The following DNAH17 variants were observed in gnomAD, a reference collection of about 807,000 sequenced individuals.
DNAH17 encodes axonemal beta dynein heavy chain 17.
Under a neutral mutation model 485.6 loss-of-function variants are expected in DNAH17, and 376 were observed. The observed-to-expected ratio is 0.77, with a 90% CI of 0.71 to 0.84. DNAH17 has a LOEUF of 0.84. Among genes scored for constraint, DNAH17 ranks in the 40% least tolerant of loss-of-function variants. The probability of loss-of-function intolerance (pLI) is 0.00; values close to 1 mark genes in which losing one functional copy is unlikely to be tolerated. For synonymous variants in DNAH17, 3,031 were observed against 2,405.9 expected (o/e 1.26, Z -7.60); for missense variants, 6,370 against 5,839.3 (o/e 1.09, Z -2.96).
Position 78,485,560 on chromosome 17 carries a change from G to A in DNAH17, c.7473C>T (p.Ala2491=), listed in dbSNP as rs775587511. ...CCGGACCAGCCTCACCCTGCAGCAT[G>A]GCTGAGGTCGTGTAGAAGTTGAAGG... ...AVPFNFYTTS[A]MLQGVLEKPL... The change falls in exon 47 of 81, where the codon GCC becomes GCT. Residue 2491 remains alanine, a synonymous_variant. Transcript: ENST00000389840. 3 of 1,610,050 alleles carry A rather than the reference G, an allele frequency of 1.9e-6. No individual in the cohort carries two copies. Among genetic ancestry groups the A allele is most frequent in the South Asian group, 2.2e-5 (2 of 90,246 alleles).
At chr17:78,487,283 C>T (rs1343909643) in intron 44 of DNAH17, among the ~76,000 whole-genome samples, 2 of 152,162 alleles carry the variant, frequency 1.3e-5, no homozygotes, top group African/African-American at 4.8e-5. Context: ...GGTGATGTTT[C>T]CATGACCCTC....
Position 78,572,411 on chromosome 17 carries a change from G to A in DNAH17, c.539+290C>T, listed in dbSNP as rs149564647. Reference sequence around the variant, plus strand: ...ACAGGTGGGACACCTTCTGCTTGCTGGGTGGTGACTGGATCGGCACACATG... The same window carrying A: ...ACAGGTGGGACACCTTCTGCTTGCTAGGTGGTGACTGGATCGGCACACATG... On this transcript the variant is annotated intron_variant, in intron 3 of 80. Coordinates refer to ENST00000389840, the MANE Select transcript of DNAH17 (RefSeq NM_173628.4). Among the ~76,000 whole-genome samples the A allele has an allele frequency of 2.0e-4, 31 of 152,258 alleles. No individual in the cohort carries two copies. The East Asian group carries it at 4.8e-3, about 24-fold the overall frequency.
chr17:78,429,232 C>T lies in DNAH17; in HGVS notation c.12294G>A (p.Trp4098Ter). 1 of 1,613,912 alleles carries T rather than the reference C, an allele frequency of 6.2e-7. No individual in the cohort carries two copies. Among genetic ancestry groups the T allele is most frequent in the Non-Finnish European group, 8.5e-7 (1 of 1,179,900 alleles). Residue 4098 changes from tryptophan to a stop codon, truncating the protein, a stop_gained, in exon 76 of 81, where the codon TGG (tryptophan) becomes TGA (stop). Transcript: ENST00000389840. LOFTEE classifies it high-confidence loss of function. ...IMYGGHITDD[W>*]DRRLCRTYLA... ...GGTAGGTCCTGCACAGCCGACGGTCCCAGTCATCTGTGATGTGGCCGCCAT... is the reference window on the plus strand; with the variant it reads ...GGTAGGTCCTGCACAGCCGACGGTCTCAGTCATCTGTGATGTGGCCGCCAT...
At chr17:78,531,613 C>T (rs925863805) in intron 20 of DNAH17, among the ~76,000 whole-genome samples, 1 of 152,202 alleles carries the variant, frequency 6.6e-6, no homozygotes, top group Admixed American at 6.5e-5. Context: ...GCTGGTATCA[C>T]AGGCGTGAGC....
At chr17:78,510,587 G>C (rs2090608114) in intron 26 of DNAH17, 81 bp from the exon 27 acceptor site, 9 of 1,570,808 alleles carry the variant, frequency 5.7e-6, no homozygotes, top group Non-Finnish European at 7.8e-6. Context: ...CCTTCATGGA[G>C]AGCCATTGCC....
chr17:78,486,439 C>T lies in DNAH17; in HGVS notation c.6886G>A (p.Asp2296Asn). Residue 2296 changes from aspartate to asparagine, a missense_variant, in exon 45 of 81, where the codon GAC becomes AAC. Transcript: ENST00000389840. Reference protein sequence around the residue: ...SEKANLMILFDKYLPTCLDKL... With the variant: ...SEKANLMILFNKYLPTCLDKL... ...TCCAGGCACGTGGGCAGGTACTTGT[C>T]AAAGAGGATCATCAGGTTGGCCTTC... 2 of 1,613,656 alleles carry T rather than the reference C, an allele frequency of 1.2e-6. No homozygotes were observed. Among genetic ancestry groups the T allele is most frequent in the Non-Finnish European group, 1.7e-6 (2 of 1,179,872 alleles).
intron 26 of DNAH17, among the ~76,000 whole-genome samples, chr17:78,514,001 T>C (rs956456284): frequency 3.3e-5 from 5 of 151,876 alleles, no homozygotes; most frequent in African/African-American, 1.2e-4. Context: ...CTTCTGGAGG[T>C]GTCAAGGCCA....
intron 47 of DNAH17, 44 bp downstream of exon 47, chr17:78,485,506 C>G (rs780236923): frequency 1.3e-6 from 2 of 1,521,750 alleles, no homozygotes; most frequent in Non-Finnish European, 1.8e-6. Flanking sequence ...CGGGGACTGG[C>G]GGGGGGCAGC....
At chr17:78,550,683 G>A (rs2091883039) in intron 16 of DNAH17, among the ~76,000 whole-genome samples, 1 of 152,196 alleles carries the variant, frequency 6.6e-6, no homozygotes, top group Non-Finnish European at 1.5e-5. Flanking sequence ...TGTGAGAAGA[G>A]AAACGTCTGT....
intron 54 of DNAH17, among the ~76,000 whole-genome samples, chr17:78,471,175 C>T (rs948334721): frequency 2.0e-5 from 3 of 152,208 alleles, no homozygotes; most frequent in East Asian, 3.9e-4. Flanking sequence ...CTCCATCCTT[C>T]GGAAGCAAGT....
At chr17:78,545,783 A>T (rs2091744364) in intron 16 of DNAH17, among the ~76,000 whole-genome samples, 1 of 152,110 alleles carries the variant, frequency 6.6e-6, no homozygotes, top group Non-Finnish European at 1.5e-5. Flanking sequence ...TTATATAGCT[A>T]TATTAACAAT....
chr17:78,479,455 T>C (rs1241935667), intron 50 of DNAH17, 30 bp downstream of exon 50: 1 of 1,580,246 alleles, frequency 6.3e-7, no homozygotes, highest in Non-Finnish European at 8.6e-7. Context: ...GTTTTACCGA[T>C]GGGAGAGGGG....
intron 2 of DNAH17, 107 bp from the exon 3 acceptor site, chr17:78,573,001 T>C (rs1568277141): frequency 3.1e-6 from 3 of 961,626 alleles, no homozygotes; most frequent in Non-Finnish European, 4.6e-6. Context: ...TCTGGAGCCC[T>C]GGGAAAACTG....
chr17:78,513,555 C>A (rs2090693949), intron 26 of DNAH17, among the ~76,000 whole-genome samples: 1 of 152,178 alleles, frequency 6.6e-6, no homozygotes, highest in Non-Finnish European at 1.5e-5. Context: ...CCTGCCTCAG[C>A]CACGCAAGTA....
rs2090513013 is a variant in DNAH17 at position 78,507,316 on chromosome 17, T to G, written c.4638A>C (p.Lys1546Asn). 6.2e-7 allele frequency: 1 copy of G among 1,613,810 alleles called. No individual in the cohort carries two copies. The highest frequency in any genetic ancestry group is 1.7e-5 in the Admixed American group (1 of 59,990). ...KTPNVVEATS[K>N]PGLYNKLEAL... The stretch of plus-strand genomic sequence containing the variant: ...CCTCCAGTTTATTGTAGAGGCCGGG[T>G]TTGCTGGTGGCTTCCACCACGTTGG... The change falls in exon 29 of 81, where the codon AAA becomes AAC. Residue 1546 changes from lysine to asparagine, a missense_variant. Lys to Asn is a moderately conservative substitution (Grantham distance 94, BLOSUM62 0). Transcript: ENST00000389840.
In DNAH17 at chr17:78,505,455, G is replaced by A. The variant is rs766611395; in HGVS notation, c.4804-10C>T. 3.1e-6 allele frequency: 5 copies of A among 1,613,802 alleles called. No homozygotes were observed. In the Admixed American group the frequency reaches 8.3e-5, roughly 27 times the overall value. ...ACAGGTGGCGGCTCACCTGGGAGGAGGCAAGAAGCGGGAATTATGCAACGG... is the reference window on the plus strand; with the variant it reads ...ACAGGTGGCGGCTCACCTGGGAGGAAGCAAGAAGCGGGAATTATGCAACGG... On this transcript the variant is annotated splice_polypyrimidine_tract_variant and intron_variant, in intron 30 of 80. Transcript: ENST00000389840.
At chr17:78,481,773 G>C (rs559363661) in intron 48 of DNAH17, among the ~76,000 whole-genome samples, 71 of 152,238 alleles carry the variant, frequency 4.7e-4, no homozygotes, top group African/African-American at 1.7e-3. Context: ...CTAGCACTTT[G>C]GGAGGCTGAG....
intron 56 of DNAH17, among the ~76,000 whole-genome samples, chr17:78,465,087 C>T (rs1405610733): frequency 4.6e-5 from 7 of 152,164 alleles, no homozygotes; most frequent in African/African-American, 9.7e-5. Context: ...ATTGCAGGCT[C>T]GCGCCGCCAC....
At chr17:78,550,114 T>C (rs536910857) in intron 16 of DNAH17, among the ~76,000 whole-genome samples, 2 of 151,256 alleles carry the variant, frequency 1.3e-5, no homozygotes, top group African/African-American at 2.4e-5. Context: ...GACAGGGAGG[T>C]GTGGGGAGGC....
Sources: allele counts gnomAD v4.1 joint callset (sites outside exome capture counted in the v4.1 genomes callset), GRCh38; gene constraint gnomAD v4.1.1; transcripts MANE v1.5; gene names NCBI Gene and HGNC (gene_info 2026-07-23, HGNC 2026-07-21).